Variants in ZC3H12B observed in about 807,000 individuals in gnomAD.
ZC3H12B encodes zinc finger CCCH-type containing 12B.
A neutral mutation model predicts 43.9 loss-of-function variants in ZC3H12B; 7 were observed. The ratio of observed to expected loss-of-function variants is 0.16; its 90% CI spans 0.09 to 0.30. ZC3H12B has a LOEUF of 0.30. Ranked by LOEUF, ZC3H12B falls within the 10% of genes least tolerant of loss-of-function variation. ZC3H12B has a pLI of 1.00. For synonymous variants in ZC3H12B, 222 were observed against 241.7 expected (o/e 0.92, Z 0.76); for missense variants, 475 against 670.2 (o/e 0.71, Z 3.22).
chrX:65,347,901 C>T, the ZC3H12B span, among the ~76,000 whole-genome samples: 2 of 112,247 alleles, frequency 1.8e-5, no homozygotes, highest in African/African-American at 6.5e-5. Context: ...GAATACCATG[C>T]AGCCATAAAA....
intron 3 of ZC3H12B, among the ~76,000 whole-genome samples, chrX:65,401,646 C>T (rs1031231418): frequency 1.8e-5 from 2 of 111,920 alleles, no homozygotes; most frequent in Non-Finnish European, 3.8e-5. Context: ...TAACCCCAGG[C>T]TGCACAGCTT....
At chrX:65,382,824 G>A (rs947074692) in intron 2 of ZC3H12B, among the ~76,000 whole-genome samples, 9 of 111,162 alleles carry the variant, frequency 8.1e-5, no homozygotes, top group Admixed American at 3.8e-4. Flanking sequence ...CAAACAGAGA[G>A]CCAAATCATG....
the ZC3H12B span, among the ~76,000 whole-genome samples, chrX:65,360,348 T>A: frequency 8.9e-6 from 1 of 112,434 alleles, no homozygotes; most frequent in African/African-American, 3.2e-5. Context: ...AAACCTGTTT[T>A]GTGAAAATTC....
chrX:65,390,919 T>A (rs2066607068), intron 2 of ZC3H12B, among the ~76,000 whole-genome samples: 1 of 111,797 alleles, frequency 8.9e-6, no homozygotes, highest in Non-Finnish European at 1.9e-5. Context: ...ATAATAACAA[T>A]AATTTTAAAA....
At chrX:65,502,746 A>G in exon 5 of ZC3H12B, 3 of 1,209,996 alleles carry the variant, frequency 2.5e-6, no homozygotes, top group South Asian at 1.8e-5. Flanking sequence ...ATGCCTCCCA[A>G]TATCCATCCT....
At chrX:65,045,521 A>G in the ZC3H12B span, among the ~76,000 whole-genome samples, 83 of 111,913 alleles carry the variant, frequency 7.4e-4, no homozygotes, top group African/African-American at 2.2e-3. Context: ...TTAGCATGAG[A>G]TTGAAGCAAT....
the ZC3H12B span, among the ~76,000 whole-genome samples, chrX:65,224,401 G>A: frequency 8.9e-6 from 1 of 112,428 alleles, no homozygotes; most frequent in African/African-American, 3.2e-5. Context: ...GAGCCAAGAT[G>A]GCCGAATAGG....
At chrX:65,162,215 C>T in the ZC3H12B span, among the ~76,000 whole-genome samples, 4 of 110,903 alleles carry the variant, frequency 3.6e-5, no homozygotes, top group African/African-American at 1.3e-4. Context: ...TCCTTCATTT[C>T]ATCTTTGGTG....
the ZC3H12B span, among the ~76,000 whole-genome samples, chrX:65,215,195 A>G: frequency 8.9e-6 from 1 of 111,991 alleles, no homozygotes; most frequent in Non-Finnish European, 1.9e-5. Flanking sequence ...AATGAGCATT[A>G]GCTTCACCTT....
intron 3 of ZC3H12B, among the ~76,000 whole-genome samples, chrX:65,454,584 A>T (rs1056234061): frequency 1.8e-5 from 2 of 111,858 alleles, no homozygotes; most frequent in Non-Finnish European, 3.8e-5. Context: ...GGCAGCAGAA[A>T]CCTCTGCAGA....
At chrX:65,189,837 A>G in the ZC3H12B span, among the ~76,000 whole-genome samples, 2,040 of 110,231 alleles carry the variant, frequency 0.019, 51 homozygotes, top group African/African-American at 0.066. Flanking sequence ...TTCTGTTGCC[A>G]TTGCTTTTGG....
chrX:65,151,876 A>T, the ZC3H12B span, among the ~76,000 whole-genome samples: 2 of 111,934 alleles, frequency 1.8e-5, no homozygotes, highest in Admixed American at 9.5e-5. Flanking sequence ...CAAACAGCTT[A>T]TCCACCATGA....
At chrX:65,468,219 C>T (rs1032972529) in intron 3 of ZC3H12B, among the ~76,000 whole-genome samples, 27 of 111,189 alleles carry the variant, frequency 2.4e-4, no homozygotes, top group Non-Finnish European at 4.0e-4. Flanking sequence ...GTGTACTTTC[C>T]CCAATTTATG....
At chrX:65,502,609 A>T (rs769459646) in exon 5 of ZC3H12B, 2 of 1,209,731 alleles carry the variant, frequency 1.7e-6, no homozygotes, top group East Asian at 3.0e-5. Flanking sequence ...AAGCCTTAAC[A>T]CGAGTGCAGA....
intron 2 of ZC3H12B, among the ~76,000 whole-genome samples, chrX:65,390,173 T>C (rs2066592114): frequency 9.1e-6 from 1 of 109,932 alleles, no homozygotes; most frequent in South Asian, 3.9e-4. Flanking sequence ...AACCAAACAC[T>C]GCATGTTCTC....
the ZC3H12B span, among the ~76,000 whole-genome samples, chrX:65,338,130 G>C: frequency 1.1e-4 from 12 of 111,762 alleles, no homozygotes; most frequent in East Asian, 2.2e-3. Flanking sequence ...TCTTTGGACT[G>C]TGTAGTTAAG....
the ZC3H12B span, among the ~76,000 whole-genome samples, chrX:65,211,816 T>A: frequency 1.2e-5 from 1 of 80,376 alleles, no homozygotes; most frequent in African/African-American, 5.0e-5. Context: ...TAATATATAA[T>A]ATATATTATG....
intron 3 of ZC3H12B, among the ~76,000 whole-genome samples, chrX:65,479,815 T>G (rs1293349536): frequency 8.9e-6 from 1 of 112,347 alleles, no homozygotes; most frequent in Non-Finnish European, 1.9e-5. Context: ...TTATTGAAAA[T>G]TAAAGTACAC....
the ZC3H12B span, among the ~76,000 whole-genome samples, chrX:65,218,641 A>G: frequency 9.1e-6 from 1 of 110,334 alleles, no homozygotes; most frequent in East Asian, 2.8e-4. Flanking sequence ...CCACACCCCC[A>G]TCCCCCACAG....
Sources: allele counts gnomAD v4.1 joint callset (sites outside exome capture counted in the v4.1 genomes callset), GRCh38; gene constraint gnomAD v4.1.1; transcripts MANE v1.5; gene names NCBI Gene and HGNC (gene_info 2026-07-23, HGNC 2026-07-21).